ZC3H12B: variants seen among roughly 807,000 people sequenced by gnomAD.
The protein encoded by ZC3H12B is probable ribonuclease ZC3H12B.
A neutral mutation model predicts 43.9 loss-of-function variants in ZC3H12B; 7 were observed. The ratio of observed to expected loss-of-function variants is 0.16; its 90% CI spans 0.09 to 0.30. The LOEUF is 0.30. Among genes scored for constraint, ZC3H12B ranks in the 10% least tolerant of loss-of-function variants. The pLI, the probability that ZC3H12B is intolerant of heterozygous loss-of-function variation, is 1.00. For synonymous variants in ZC3H12B, 222 were observed against 241.7 expected (o/e 0.92, Z 0.76); for missense variants, 475 against 670.2 (o/e 0.71, Z 3.22).
the ZC3H12B span, among the ~76,000 whole-genome samples, chrX:65,042,998 C>A: frequency 9.0e-6 from 1 of 111,408 alleles, no homozygotes; most frequent in African/African-American, 3.3e-5. Flanking sequence ...CAAGAGATCC[C>A]AAGTTTACAT....
the ZC3H12B span, among the ~76,000 whole-genome samples, chrX:65,175,272 C>A: frequency 2.7e-5 from 3 of 111,827 alleles, no homozygotes; most frequent in Non-Finnish European, 3.8e-5. Flanking sequence ...AGAAATTACC[C>A]CCCTCTGCAT....
chrX:65,282,729 T>A, the ZC3H12B span, among the ~76,000 whole-genome samples: 2 of 111,246 alleles, frequency 1.8e-5, no homozygotes, highest in Non-Finnish European at 3.8e-5. Flanking sequence ...GTATAAGAAA[T>A]GGATAAATTC....
At chrX:65,114,352 G>A in the ZC3H12B span, among the ~76,000 whole-genome samples, 1 of 109,385 alleles carries the variant, frequency 9.1e-6, no homozygotes, top group Non-Finnish European at 1.9e-5. Context: ...TGGTAGACTT[G>A]GTGAAACCAT....
the ZC3H12B span, among the ~76,000 whole-genome samples, chrX:65,153,609 G>T: frequency 8.9e-6 from 1 of 111,972 alleles, no homozygotes; most frequent in South Asian, 3.7e-4. Context: ...TGGAGAAATA[G>T]GAACACTTTT....
chrX:65,502,965 A>T, exon 5 of ZC3H12B: 1 of 1,211,731 alleles, frequency 8.3e-7, no homozygotes, highest in South Asian at 1.8e-5. Context: ...CAACCATGTT[A>T]TGAGCCAGTC....
chrX:65,036,585 G>A, the ZC3H12B span, among the ~76,000 whole-genome samples: 3 of 110,812 alleles, frequency 2.7e-5, no homozygotes, highest in South Asian at 3.8e-4. Context: ...GTTCTTTGGG[G>A]GTATAGTTTA....
intron 2 of ZC3H12B, among the ~76,000 whole-genome samples, chrX:65,378,597 G>T (rs188345632): frequency 1.6e-4 from 18 of 112,350 alleles, no homozygotes; most frequent in African/African-American, 5.5e-4. Context: ...TGGCAGGAGT[G>T]GGGGAGGAGC....
chrX:65,225,734 G>A, the ZC3H12B span, among the ~76,000 whole-genome samples: 13 of 112,339 alleles, frequency 1.2e-4, no homozygotes, highest in Admixed American at 2.8e-4. Flanking sequence ...GAATGCAGAA[G>A]CCTCAGGAGC....
the ZC3H12B span, among the ~76,000 whole-genome samples, chrX:65,323,902 G>A: frequency 8.9e-6 from 1 of 111,967 alleles, no homozygotes; most frequent in Non-Finnish European, 1.9e-5. Context: ...AGCATGAGAT[G>A]GTATCTCATT....
At chrX:65,114,226 GT>G in the ZC3H12B span, among the ~76,000 whole-genome samples, 1 of 106,525 alleles carries the variant, frequency 9.4e-6, no homozygotes, top group Non-Finnish European at 1.9e-5. Flanking sequence ...TTCTTGTACT[GT>G]TTTTTTGTTC....
the ZC3H12B span, among the ~76,000 whole-genome samples, chrX:65,182,671 A>G: frequency 6.3e-5 from 7 of 110,548 alleles, no homozygotes; most frequent in African/African-American, 9.8e-5. Context: ...GTGTGCATTC[A>G]CAAGGGTCTA....
the ZC3H12B span, among the ~76,000 whole-genome samples, chrX:65,248,845 T>C: frequency 1.8e-5 from 2 of 112,097 alleles, no homozygotes; most frequent in Non-Finnish European, 3.8e-5. Context: ...ATGTTAAGCA[T>C]TCTTTTATGT....
chrX:65,330,355 G>A, the ZC3H12B span, among the ~76,000 whole-genome samples: 1 of 111,772 alleles, frequency 8.9e-6, no homozygotes, highest in South Asian at 3.7e-4. Context: ...TGCAAACAGA[G>A]ACAATTTGAC....
At chrX:65,213,203 AT>A in the ZC3H12B span, among the ~76,000 whole-genome samples, 1 of 110,211 alleles carries the variant, frequency 9.1e-6, no homozygotes, top group Non-Finnish European at 1.9e-5. Context: ...ACTTAAAAAA[AT>A]CTATCAGTGT....
chrX:65,377,876 A>T (rs190789682), intron 2 of ZC3H12B, among the ~76,000 whole-genome samples: 120 of 111,181 alleles, frequency 1.1e-3, no homozygotes, highest in African/African-American at 3.7e-3. Flanking sequence ...AGGTGGGCAG[A>T]TCACGAGGTC....
chrX:65,482,806 A>G (rs1001418523), intron 3 of ZC3H12B, among the ~76,000 whole-genome samples: 2 of 112,187 alleles, frequency 1.8e-5, no homozygotes, highest in African/African-American at 3.2e-5. Context: ...TAGCAGAAAA[A>G]TGAGCCCCTG....
chrX:65,253,287 C>T, the ZC3H12B span, among the ~76,000 whole-genome samples: 1 of 112,312 alleles, frequency 8.9e-6, no homozygotes, highest in Non-Finnish European at 1.9e-5. Flanking sequence ...GGGATTCATT[C>T]CTGGTCCCCA....
At chrX:65,358,440 G>T in the ZC3H12B span, among the ~76,000 whole-genome samples, 3 of 111,112 alleles carry the variant, frequency 2.7e-5, no homozygotes, top group Admixed American at 2.9e-4. Context: ...GAAGTAAAAC[G>T]CTCCTCAGCA....
At chrX:65,055,302 T>C in the ZC3H12B span, among the ~76,000 whole-genome samples, 4 of 111,923 alleles carry the variant, frequency 3.6e-5, no homozygotes, top group African/African-American at 1.3e-4. Flanking sequence ...TAAAGGGCTG[T>C]TGAATTTTGT....
Sources: allele counts gnomAD v4.1 joint callset (sites outside exome capture counted in the v4.1 genomes callset), GRCh38; gene constraint gnomAD v4.1.1; transcripts MANE v1.5; gene names NCBI Gene and HGNC (gene_info 2026-07-23, HGNC 2026-07-21).